SLC13A1: variants seen among roughly 807,000 people sequenced by gnomAD.
The protein encoded by SLC13A1 is solute carrier family 13 member 1, also known as Na(+)/sulfate cotransporter.
In SLC13A1, 65 loss-of-function variants were observed where a neutral mutation model predicts 70.0. The observed-to-expected ratio is 0.93, with a 90% CI of 0.76 to 1.14. The LOEUF is 1.14. Ranked by LOEUF, SLC13A1 falls within the 50% of genes most tolerant of loss-of-function variation. The pLI is 0.00. For missense variants in SLC13A1, 726 were observed against 717.8 expected, an observed-to-expected ratio of 1.01 and a Z score of -0.13; for synonymous variants, 275 against 250.5, an observed-to-expected ratio of 1.10 and a Z score of -0.92.
intron 4 of SLC13A1, 148 bp downstream of exon 4, chr7:123,169,000 G>T: frequency 1.5e-6 from 1 of 666,350 alleles, no homozygotes; most frequent in Non-Finnish European, 2.5e-6. Context: ...AACTATTTTT[G>T]TAGATACTGA....
rs1796102354 is a variant in SLC13A1 at position 123,194,298 on chromosome 7, T to C, written c.99+5550A>G. On this transcript the variant is annotated intron_variant, in intron 1 of 14. Transcript: ENST00000194130. ...GGCATTCTAGGAGGAGGATATAGCG[T>C]GTGAGAAGGCAGAGAGACAAGAATA... Among the ~76,000 whole-genome samples, 4 of 151,816 alleles carry C rather than the reference T, an allele frequency of 2.6e-5. No individual in the cohort carries two copies. The South Asian group carries it at 8.3e-4, about 32-fold the overall frequency.
chr7:123,116,058 G>T (rs1014882937), intron 14 of SLC13A1, among the ~76,000 whole-genome samples: 4 of 152,172 alleles, frequency 2.6e-5, no homozygotes, highest in Non-Finnish European at 4.4e-5. Context: ...CAGAATTTCA[G>T]TTTTGTGGTT....
intron 1 of SLC13A1, among the ~76,000 whole-genome samples, chr7:123,194,205 G>A (rs1048419854): frequency 1.3e-5 from 2 of 152,106 alleles, no homozygotes; most frequent in African/African-American, 2.4e-5. Context: ...TGAGAGCATC[G>A]AGGATGATCC....
At chr7:123,139,212 A>G (rs894815426) in intron 7 of SLC13A1, among the ~76,000 whole-genome samples, 27 of 152,092 alleles carry the variant, frequency 1.8e-4, no homozygotes, top group African/African-American at 5.8e-4. Flanking sequence ...TTTGTCGAAA[A>G]TGAGTTCACT....
In SLC13A1 at chr7:123,117,519, T is replaced by G; in HGVS notation, c.1602A>C (p.Pro534=). ...CATATGAAAAGACAATAGCATTGGG[T>G]GGATTTGCTACTGGTAGGAGGAATG... ...SFAFLLPVAN[P]PNAIVFSYGH... Residue 534 remains proline, a synonymous_variant, in exon 14 of 15, where the codon CCA becomes CCC. Coordinates refer to ENST00000194130, the MANE Select transcript of SLC13A1 (RefSeq NM_022444.4). The G allele has an allele frequency of 6.2e-7, 1 of 1,613,514 alleles. No individual in the cohort carries two copies. Among genetic ancestry groups the G allele is most frequent in the South Asian group, 1.1e-5 (1 of 91,042 alleles).
intron 1 of SLC13A1, among the ~76,000 whole-genome samples, chr7:123,193,734 T>C (rs964628177): frequency 3.9e-5 from 6 of 152,116 alleles, no homozygotes; most frequent in African/African-American, 1.4e-4. Context: ...TTCTGTAAAA[T>C]TGGGATGATA....
intron 13 of SLC13A1, among the ~76,000 whole-genome samples, chr7:123,117,934 A>G (rs1180262207): frequency 1.3e-5 from 2 of 151,490 alleles, no homozygotes; most frequent in Admixed American, 1.3e-4. Flanking sequence ...GTTTACATAT[A>G]CGTATATATT....
chr7:123,123,233 C>A lies in SLC13A1; in HGVS notation c.1243G>T (p.Ala415Ser), dbSNP rs775299669. 6.2e-7 allele frequency: 1 copy of A among 1,604,862 alleles called. No individual in the cohort carries two copies. The highest frequency in any genetic ancestry group is 2.2e-5 in the East Asian group (1 of 44,810). Residue 415 changes from alanine (A) to serine (S), a missense_variant and splice_region_variant, in exon 12 of 15, where the codon GCT becomes TCT. Transcript: ENST00000194130. ...TKTTPTGEIV[A>S]FDYSPLITWK... is the part of the protein sequence containing the mutation. Reference sequence around the variant, plus strand: ...GTAATCAGTGGAGAGTAATCAAAAGCAACTGCAAAACAAAAATCCTACAGT... The same window carrying A: ...GTAATCAGTGGAGAGTAATCAAAAGAAACTGCAAAACAAAAATCCTACAGT...
chr7:123,126,319 A>G (rs1261405084), intron 10 of SLC13A1, among the ~76,000 whole-genome samples: 1 of 152,186 alleles, frequency 6.6e-6, no homozygotes, highest in Non-Finnish European at 1.5e-5. Flanking sequence ...CTCACAAATG[A>G]TCACCATATA....
rs1585275233 is a variant in SLC13A1 at position 123,115,274 on chromosome 7, T to C, written c.*244A>G. The C allele has an allele frequency of 3.5e-6, 1 of 283,062 alleles. No individual in the cohort carries two copies. Among genetic ancestry groups the C allele is most frequent in the East Asian group, 5.8e-5 (1 of 17,216 alleles). 17.5% of individuals were successfully genotyped at this position (283,062 alleles called of 1,614,324 possible). ...TTATGATGAAGCAAGTTGCAGATGG[T>C]TCATGAGCAAAATCTCAAAACATGG... On this transcript the variant is annotated 3_prime_UTR_variant, in exon 15 of 15. Transcript: ENST00000194130.
At chr7:123,199,522 C>T (rs1796285744) in intron 1 of SLC13A1, among the ~76,000 whole-genome samples, 1 of 152,080 alleles carries the variant, frequency 6.6e-6, no homozygotes, top group African/African-American at 2.4e-5. Flanking sequence ...ACTAGCCATG[C>T]ATGCTCCCTG....
chr7:123,131,435 C>T (rs555761709), intron 8 of SLC13A1, among the ~76,000 whole-genome samples: 5 of 152,208 alleles, frequency 3.3e-5, no homozygotes, highest in East Asian at 3.9e-4. Context: ...ATAGTTAAGT[C>T]GAAAGCCAAA....
chr7:123,157,080 C>T (rs1794737588), intron 6 of SLC13A1, among the ~76,000 whole-genome samples: 1 of 152,204 alleles, frequency 6.6e-6, no homozygotes, highest in East Asian at 1.9e-4. Flanking sequence ...TCCTGTGTTT[C>T]TGCTTTCTTA....
At position 123,128,856 on chromosome 7, in the gene SLC13A1, T is replaced by G; in HGVS notation, c.1122A>C (p.Ala374=). ...CGTGCAAAGCTTACTCTGAAAAAAG[T>G]GCAGACCAACCAGGAACAAATCCGG... ...RDPGFVPGWS[A]LFSEYPGFAT... The change falls in exon 10 of 15, where the codon GCA becomes GCC. Residue 374 remains alanine, a synonymous_variant. Transcript: ENST00000194130. 6.2e-7 allele frequency: 1 copy of G among 1,612,166 alleles called. No homozygotes were observed. The highest frequency in any genetic ancestry group is 2.2e-5 in the East Asian group (1 of 44,748).
chr7:123,117,976 T>G (rs1331470332), intron 13 of SLC13A1, among the ~76,000 whole-genome samples: 2 of 151,332 alleles, frequency 1.3e-5, no homozygotes, highest in Admixed American at 6.6e-5. Context: ...GTTTATAATA[T>G]ATAATAAATG....
intron 11 of SLC13A1, among the ~76,000 whole-genome samples, chr7:123,123,947 C>T (rs1350173165): frequency 6.6e-6 from 1 of 152,060 alleles, no homozygotes; most frequent in Non-Finnish European, 1.5e-5. Flanking sequence ...TTAAGTTTAC[C>T]AATAAGCTTC....
At chr7:123,171,966 A>G in intron 2 of SLC13A1, 62 bp from the exon 3 acceptor site, 1 of 1,504,772 alleles carries the variant, frequency 6.6e-7, no homozygotes, top group Non-Finnish European at 9.1e-7. Context: ...ATTGCACAAG[A>G]AAGACATTAT....
intron 6 of SLC13A1, among the ~76,000 whole-genome samples, chr7:123,154,766 A>T (rs1021753000): frequency 6.6e-6 from 1 of 152,114 alleles, no homozygotes; most frequent in Non-Finnish European, 1.5e-5. Context: ...TACCTAATTC[A>T]CATCAATATT....
chr7:123,155,458 T>C (rs1312816736), intron 6 of SLC13A1, among the ~76,000 whole-genome samples: 1 of 152,062 alleles, frequency 6.6e-6, no homozygotes, highest in East Asian at 1.9e-4. Flanking sequence ...CCTCTCTGAT[T>C]ATATTAATGA....
Sources: allele counts gnomAD v4.1 joint callset (sites outside exome capture counted in the v4.1 genomes callset), GRCh38; gene constraint gnomAD v4.1.1; transcripts MANE v1.5; gene names NCBI Gene and HGNC (gene_info 2026-07-23, HGNC 2026-07-21).